The following FLYWCH2 variants were observed in gnomAD, a reference collection of about 807,000 sequenced individuals.
The protein encoded by FLYWCH2 is FLYWCH family member 2.
A neutral mutation model predicts 6.0 loss-of-function variants in FLYWCH2; 2 were observed. The ratio of observed to expected loss-of-function variants is 0.33; its 90% CI spans 0.14 to 1.04. The LOEUF (loss-of-function observed/expected upper bound fraction) is 1.04, where lower values mean the gene tolerates loss of function less well. Ranked by LOEUF, FLYWCH2 falls within the 50% of genes least tolerant of loss-of-function variation. The pLI is 0.45. For synonymous variants in FLYWCH2, 87 were observed against 79.3 expected, an observed-to-expected ratio of 1.10 and a Z score of -0.52; for missense variants, 192 against 183.4, an observed-to-expected ratio of 1.05 and a Z score of -0.27.
chr16:2,891,920 G>A (rs561581127), intron 1 of FLYWCH2, among the ~76,000 whole-genome samples: 7 of 152,052 alleles, frequency 4.6e-5, no homozygotes, highest in South Asian at 2.1e-4. Context: ...TGCCAGGCAC[G>A]GTGGCTCATG....
Position 2,896,577 on chromosome 16 carries a change from T to C in FLYWCH2, c.128T>C (p.Val43Ala), listed in dbSNP as rs1226900947. 1.2e-6 allele frequency: 2 copies of C among 1,614,016 alleles called. No homozygotes were observed. Among genetic ancestry groups the C allele is most frequent in the Non-Finnish European group, 1.7e-6 (2 of 1,180,020 alleles). The change falls in exon 3 of 4, where the codon GTC becomes GCC. Residue 43 changes from valine (V) to alanine (A), a missense_variant. Physicochemically the swap from Val to Ala is moderately conservative, Grantham distance 64. Coordinates refer to ENST00000396958, the MANE Select transcript of FLYWCH2 (RefSeq NM_138439.3). The stretch of plus-strand genomic sequence containing the variant: ...AAGCCCAGAAAGTTCTCCAAACTGG[T>C]CCTGCTCACAGCCTCCAAAGACAGC... ...PRKPRKFSKL[V>A]LLTASKDSTK...
At position 2,899,225 on chromosome 16, in the gene FLYWCH2, C is replaced by A; in HGVS notation, c.*76C>A. On this transcript the variant is annotated 3_prime_UTR_variant, in exon 4 of 4. Coordinates refer to ENST00000396958, the MANE Select transcript of FLYWCH2 (RefSeq NM_138439.3). ...TCTCTGTCCGCAGGGCTTCTGGGGC[C>A]AAATGGGTGAATCTTTGCTTTTAAC... The A allele has an allele frequency of 2.3e-6, 2 of 869,302 alleles. No homozygotes were observed. The highest frequency in any genetic ancestry group is 3.5e-6 in the Non-Finnish European group (2 of 578,534). The allele number at this position is 869,302 out of a possible 1,614,324, so 53.8% of individuals were successfully genotyped here.
At position 2,899,268 on chromosome 16, in the gene FLYWCH2, CTTTTTTT is replaced by C. The variant is rs76446842; in HGVS notation, c.*130_*136del. 2 of 424,906 alleles carry C rather than the reference CTTTTTTT, an allele frequency of 4.7e-6. No homozygotes were observed. Among genetic ancestry groups the C allele is most frequent in the East Asian group, 7.6e-5 (2 of 26,338 alleles). 26.3% of individuals were successfully genotyped at this position (424,906 alleles called of 1,614,324 possible). ...CTTTTAACATTGTGTGATTTCTTTT[CTTTTTTT>C]TTTTTTTTTTAGATCAAGTATAAGT... On this transcript the variant is annotated 3_prime_UTR_variant, in exon 4 of 4. Coordinates refer to ENST00000396958, the MANE Select transcript of FLYWCH2 (RefSeq NM_138439.3).
intron 3 of FLYWCH2, among the ~76,000 whole-genome samples, chr16:2,897,783 C>T (rs969356962): frequency 1.3e-5 from 2 of 152,200 alleles, no homozygotes; most frequent in African/African-American, 2.4e-5. Flanking sequence ...GGGCCCTAGG[C>T]AGCAGAGGAA....
At position 2,884,558 on chromosome 16, in the gene FLYWCH2, T is replaced by TAA. The variant is rs1317315836; in HGVS notation, c.-200+1210_-200+1211dup. On this transcript the variant is annotated intron_variant, in intron 1 of 3. Coordinates refer to ENST00000396958, the MANE Select transcript of FLYWCH2 (RefSeq NM_138439.3). ...TAACATGGTGAAACCCCGTCTCTAC[T>TAA]AAAAAAAAAAAAAAAAAAATACAAA... Among the ~76,000 whole-genome samples, 25 of 39,290 alleles carry TAA rather than the reference T, an allele frequency of 6.4e-4. 1 individual carries two copies. Among genetic ancestry groups the TAA allele is most frequent in the Non-Finnish European group, 8.7e-4 (18 of 20,686 alleles). The allele number at this position is 39,290 out of a possible 152,430, so 25.8% of individuals were successfully genotyped here.
At chr16:2,896,300 T>C in intron 2 of FLYWCH2, 52 bp from the exon 3 acceptor site, 4 of 1,037,976 alleles carry the variant, frequency 3.9e-6, no homozygotes, top group Non-Finnish European at 5.4e-6. Context: ...GATCCACGTC[T>C]AGAGCCTCCC....
chr16:2,894,537 C>T (rs544646191), intron 1 of FLYWCH2, among the ~76,000 whole-genome samples: 8 of 152,338 alleles, frequency 5.3e-5, no homozygotes, highest in African/African-American at 1.9e-4. Flanking sequence ...TCCCCGGCAT[C>T]CCCACATCGC....
chr16:2,885,799 C>G (rs1196157480), intron 1 of FLYWCH2, among the ~76,000 whole-genome samples: 2 of 152,164 alleles, frequency 1.3e-5, no homozygotes, highest in Non-Finnish European at 2.9e-5. Context: ...CATTCATGTA[C>G]ACATTTTTAT....
At chr16:2,885,472 C>G (rs536800942) in intron 1 of FLYWCH2, among the ~76,000 whole-genome samples, 4 of 152,178 alleles carry the variant, frequency 2.6e-5, no homozygotes, top group African/African-American at 9.7e-5. Context: ...CTCCCCTTCC[C>G]CACCCCAATC....
intron 3 of FLYWCH2, 154 bp downstream of exon 3, chr16:2,896,925 C>T (rs998384076): frequency 7.9e-6 from 6 of 757,328 alleles, no homozygotes; most frequent in Admixed American, 2.9e-5. Flanking sequence ...GGGGTTAGGG[C>T]ACAGGCCTGG....
chr16:2,887,650 A>G (rs2069713801), intron 1 of FLYWCH2, among the ~76,000 whole-genome samples: 2 of 151,784 alleles, frequency 1.3e-5, no homozygotes, highest in African/African-American at 4.8e-5. Context: ...AGCTTACTGC[A>G]GCCTTGACCT....
intron 1 of FLYWCH2, among the ~76,000 whole-genome samples, chr16:2,890,664 C>T (rs1469556987): frequency 2.0e-5 from 3 of 151,754 alleles, no homozygotes; most frequent in African/African-American, 7.3e-5. Flanking sequence ...CCTTGTGATC[C>T]ACCCGCCTCA....
chr16:2,896,794 C>G (rs746643762), intron 3 of FLYWCH2, 23 bp downstream of exon 3: 2 of 1,598,492 alleles, frequency 1.3e-6, no homozygotes, highest in South Asian at 2.2e-5. Flanking sequence ...AGCGGCCCCC[C>G]AGGACAGCTC....
At chr16:2,892,671 G>T (rs981321930) in intron 1 of FLYWCH2, among the ~76,000 whole-genome samples, 1 of 151,324 alleles carries the variant, frequency 6.6e-6, no homozygotes, top group Non-Finnish European at 1.5e-5. Flanking sequence ...TGGTGAAACC[G>T]CGTATCTACT....
At chr16:2,884,018 C>A (rs1270822640) in intron 1 of FLYWCH2, among the ~76,000 whole-genome samples, 4 of 152,082 alleles carry the variant, frequency 2.6e-5, no homozygotes, top group Non-Finnish European at 4.4e-5. Context: ...TTTAAATCTC[C>A]CTGTGAGGAC....
At chr16:2,889,566 ACCTG>A (rs2069733838) in intron 1 of FLYWCH2, among the ~76,000 whole-genome samples, 1 of 145,528 alleles carries the variant, frequency 6.9e-6, no homozygotes, top group Non-Finnish European at 1.5e-5. Flanking sequence ...AAAAAAAACA[ACCTG>A]AAAAAGAGCA....
chr16:2,883,661 C>G (rs1195001578), intron 1 of FLYWCH2, among the ~76,000 whole-genome samples: 1 of 152,374 alleles, frequency 6.6e-6, no homozygotes, highest in East Asian at 1.9e-4. Flanking sequence ...TTCCCGGCAC[C>G]CCCCAACCCC....
chr16:2,899,090 C>T lies in FLYWCH2; in HGVS notation c.364C>T (p.Pro122Ser). ...TEDSGLAAGP[P>S]EAAGENFAPC... ...AGACAGTGGATTAGCAGCGGGGCCTCCTGAGGCTGCTGGGGAGAACTTTGC... is the reference window on the plus strand; with the variant it reads ...AGACAGTGGATTAGCAGCGGGGCCTTCTGAGGCTGCTGGGGAGAACTTTGC... Residue 122 changes from proline (P) to serine (S), a missense_variant, in exon 4 of 4, where the codon CCT (proline) becomes TCT (serine). Physicochemically the swap from Pro to Ser is moderately conservative, Grantham distance 74. Transcript: ENST00000396958. The T allele has an allele frequency of 6.2e-7, 1 of 1,613,770 alleles. No homozygotes were observed. The highest frequency in any genetic ancestry group is 8.5e-7 in the Non-Finnish European group (1 of 1,179,866).
chr16:2,885,202 G>A (rs1237008040), intron 1 of FLYWCH2, among the ~76,000 whole-genome samples: 1 of 151,602 alleles, frequency 6.6e-6, no homozygotes, highest in East Asian at 2.0e-4. Context: ...GGCGCCTGTA[G>A]TCCCAGCTAC....
Sources: allele counts gnomAD v4.1 joint callset (sites outside exome capture counted in the v4.1 genomes callset), GRCh38; gene constraint gnomAD v4.1.1; transcripts MANE v1.5; gene names NCBI Gene and HGNC (gene_info 2026-07-23, HGNC 2026-07-21).